CNDP1: variants seen among roughly 807,000 people sequenced by gnomAD.
The protein encoded by CNDP1 is carnosine dipeptidase 1.
In CNDP1, 44 loss-of-function variants were observed where a neutral mutation model predicts 58.1. That is an observed-to-expected ratio of 0.76 (90% CI 0.60 to 0.97). The LOEUF (loss-of-function observed/expected upper bound fraction) is 0.97, where lower values mean the gene tolerates loss of function less well. Ranked by LOEUF, CNDP1 falls within the 50% of genes least tolerant of loss-of-function variation. The pLI, the probability that CNDP1 is intolerant of heterozygous loss-of-function variation, is 0.00. For synonymous variants in CNDP1, 254 were observed against 252.6 expected, an observed-to-expected ratio of 1.01 and a Z score of -0.05; for missense variants, 616 against 655.1, an observed-to-expected ratio of 0.94 and a Z score of 0.65.
chr18:74,574,816 G>C (rs1030823219), intron 7 of CNDP1: 3 of 152,208 alleles, frequency 2.0e-5, no homozygotes, highest in African/African-American at 7.2e-5. Flanking sequence ...TGGCGTTTCA[G>C]GCAGGGCCAA....
intron 6 of CNDP1, among the ~76,000 whole-genome samples, chr18:74,570,546 C>A (rs990399156): frequency 2.0e-5 from 3 of 152,190 alleles, no homozygotes; most frequent in African/African-American, 7.2e-5. Context: ...TGGAAGCAGT[C>A]TTTATTGATC....
chr18:74,563,453 T>G (rs17089411), intron 5 of CNDP1, among the ~76,000 whole-genome samples: 10,280 of 152,276 alleles, frequency 0.068, 501 homozygotes, highest in African/African-American at 0.14. Flanking sequence ...GGCCAAAATC[T>G]GTTTTGCTTT....
rs1981472616 is a variant in CNDP1 at position 74,571,258 on chromosome 18, G to A, written c.829G>A (p.Val277Ile). The A allele has an allele frequency of 6.2e-7, 1 of 1,610,864 alleles. No individual in the cohort carries two copies. Among genetic ancestry groups the A allele is most frequent in the South Asian group, 1.1e-5 (1 of 90,996 alleles). Residue 277 changes from valine (V) to isoleucine (I), a missense_variant, in exon 7 of 12, where the codon GTT becomes ATT. By Grantham distance (29) the Val-to-Ile change is conservative (BLOSUM62 3). Coordinates refer to ENST00000358821, the MANE Select transcript of CNDP1 (RefSeq NM_032649.6). ...CCTTCATGAACCAATGGCTGATCTG[G>A]TTGCTCTTCTCGGTAATGCCTTATT... ...GILHEPMADL[V>I]ALLGSLVDSS... is the part of the protein sequence containing the mutation.
chr18:74,580,106 A>G (rs200053923), intron 9 of CNDP1, 24 bp from the exon 10 acceptor site: 497 of 1,602,684 alleles, frequency 3.1e-4, no homozygotes, highest in Middle Eastern at 1.7e-4. Flanking sequence ...ACTTTCTCTT[A>G]TCATTGAAAA....
chr18:74,566,412 G>C (rs1410268180), intron 5 of CNDP1, among the ~76,000 whole-genome samples: 1 of 152,204 alleles, frequency 6.6e-6, no homozygotes, highest in Non-Finnish European at 1.5e-5. Context: ...CTTAAGGTCT[G>C]TTTCCCTTTA....
At chr18:74,551,138 T>A (rs985871779) in intron 1 of CNDP1, among the ~76,000 whole-genome samples, 1 of 152,086 alleles carries the variant, frequency 6.6e-6, no homozygotes, top group African/African-American at 2.4e-5. Context: ...TCTGGCCACA[T>A]GACCTGCCTG....
chr18:74,547,408 G>T (rs557667434), intron 1 of CNDP1, among the ~76,000 whole-genome samples: 2 of 152,148 alleles, frequency 1.3e-5, no homozygotes, highest in Admixed American at 1.3e-4. Flanking sequence ...GAGGCTTTGT[G>T]GGGGGTGGAG....
chr18:74,569,895 G>C (rs1359968596), intron 6 of CNDP1, among the ~76,000 whole-genome samples: 1 of 152,030 alleles, frequency 6.6e-6, no homozygotes, highest in Non-Finnish European at 1.5e-5. Flanking sequence ...TTACCATCAA[G>C]AGAGAAGGAG....
chr18:74,576,705 G>T, intron 7 of CNDP1, 164 bp from the exon 8 acceptor site: 1 of 513,428 alleles, frequency 1.9e-6, no homozygotes, highest in Admixed American at 3.8e-5. Flanking sequence ...TTCTCTGACA[G>T]TCACTTCTTG....
chr18:74,548,060 C>T (rs572629444), intron 1 of CNDP1, among the ~76,000 whole-genome samples: 3 of 152,322 alleles, frequency 2.0e-5, no homozygotes, highest in South Asian at 2.1e-4. Context: ...ACTCACCCTG[C>T]GCATCCCTAA....
Position 74,560,841 on chromosome 18 carries a change from C to G in CNDP1, c.304-15C>G. 6.2e-7 allele frequency: 1 copy of G among 1,606,936 alleles called. No homozygotes were observed. The highest frequency in any genetic ancestry group is 1.3e-5 in the African/African-American group (1 of 74,908). On this transcript the variant is annotated splice_polypyrimidine_tract_variant and intron_variant, in intron 3 of 11. Coordinates refer to ENST00000358821, the MANE Select transcript of CNDP1 (RefSeq NM_032649.6). The stretch of plus-strand genomic sequence containing the variant: ...CACAGCATTTTTGAAAATGTGATTC[C>G]TGATCATTCTGCAGCTGCCCGATGG...
At chr18:74,578,471 A>C (rs1981691702) in intron 9 of CNDP1, 144 bp downstream of exon 9, 1 of 824,088 alleles carries the variant, frequency 1.2e-6, no homozygotes, top group Non-Finnish European at 1.9e-6. Flanking sequence ...AATGTCAAGA[A>C]ACCAATATTG....
intron 1 of CNDP1, among the ~76,000 whole-genome samples, chr18:74,550,081 G>C (rs1484788234): frequency 2.0e-5 from 3 of 152,222 alleles, no homozygotes; most frequent in African/African-American, 7.2e-5. Context: ...CAGGTCAAAA[G>C]GAAACTATGG....
rs1376178704 is a variant in CNDP1 at position 74,560,717 on chromosome 18, C to A, written c.304-139C>A. 5.0e-6 allele frequency: 4 copies of A among 804,666 alleles called. No individual in the cohort carries two copies. The Admixed American group carries it at 9.0e-5, about 18-fold the overall frequency. The allele number at this position is 804,666 out of a possible 1,614,324, so 49.8% of individuals were successfully genotyped here. Reference sequence around the variant, plus strand: ...AAGAAAAAAGAAAAAAAAAGTGTTTCATGGGACTCATTTTAGAGATGGAGA... The same window carrying A: ...AAGAAAAAAGAAAAAAAAAGTGTTTAATGGGACTCATTTTAGAGATGGAGA... On this transcript the variant is annotated intron_variant, in intron 3 of 11. Coordinates refer to ENST00000358821, the MANE Select transcript of CNDP1 (RefSeq NM_032649.6).
Position 74,547,632 on chromosome 18 carries a change from T to C in CNDP1, c.25-8706T>C, listed in dbSNP as rs912750973. On this transcript the variant is annotated intron_variant, in intron 1 of 11. Coordinates refer to ENST00000358821, the MANE Select transcript of CNDP1 (RefSeq NM_032649.6). The stretch of plus-strand genomic sequence containing the variant: ...CTCCATCAGCTAAGCCCACAGGGCA[T>C]GCAACTCTCCAGTTGTTAGCAAGAG... Among the ~76,000 whole-genome samples, 4 of 152,274 alleles carry C rather than the reference T, an allele frequency of 2.6e-5. No homozygotes were observed. The South Asian group carries it at 6.2e-4, about 24-fold the overall frequency.
chr18:74,569,974 T>C (rs1048005779), intron 6 of CNDP1, among the ~76,000 whole-genome samples: 3 of 145,460 alleles, frequency 2.1e-5, no homozygotes, highest in Non-Finnish European at 4.5e-5. Context: ...TCACCTGAAG[T>C]CAGGAGTTCA....
intron 7 of CNDP1, among the ~76,000 whole-genome samples, chr18:74,572,438 TA>T (rs1457544739): frequency 2.0e-5 from 3 of 152,156 alleles, no homozygotes; most frequent in Non-Finnish European, 4.4e-5. Flanking sequence ...ACCTATGCTT[TA>T]GACCCTGCAA....
chr18:74,579,621 G>A (rs545774726), intron 9 of CNDP1, among the ~76,000 whole-genome samples: 3 of 152,174 alleles, frequency 2.0e-5, no homozygotes, highest in Non-Finnish European at 4.4e-5. Context: ...AAGAGCAGGA[G>A]GGGAGAGAAC....
chr18:74,538,674 A>G (rs184437465), intron 1 of CNDP1, among the ~76,000 whole-genome samples: 130 of 152,104 alleles, frequency 8.5e-4, no homozygotes, highest in African/African-American at 3.0e-3. Flanking sequence ...GAGGGCTCCA[A>G]TTTCTCCACA....
Sources: allele counts gnomAD v4.1 joint callset (sites outside exome capture counted in the v4.1 genomes callset), GRCh38; gene constraint gnomAD v4.1.1; transcripts MANE v1.5; gene names NCBI Gene and HGNC (gene_info 2026-07-23, HGNC 2026-07-21).